Variants in AGBL1 observed in about 807,000 individuals in gnomAD.
The protein encoded by AGBL1 is cytosolic carboxypeptidase 4.
Under a neutral mutation model 118.9 loss-of-function variants are expected in AGBL1, and 130 were observed. That is an observed-to-expected ratio of 1.09 (90% CI 0.95 to 1.26). AGBL1 has a LOEUF of 1.26. Ranked by LOEUF, AGBL1 falls within the 50% of genes most tolerant of loss-of-function variation. AGBL1 has a pLI of 0.00. For synonymous variants in AGBL1, 555 were observed against 478.9 expected, an observed-to-expected ratio of 1.16 and a Z score of -2.08; for missense variants, 1,584 against 1,298.1, an observed-to-expected ratio of 1.22 and a Z score of -3.38.
intron 22 of AGBL1, among the ~76,000 whole-genome samples, chr15:86,677,515 A>T (rs1428770778): frequency 6.6e-6 from 1 of 152,100 alleles, no homozygotes; most frequent in African/African-American, 2.4e-5. Flanking sequence ...GTCTTTTGCA[A>T]AGTCACTTAA....
intron 19 of AGBL1, among the ~76,000 whole-genome samples, chr15:86,541,090 A>G (rs1162765921): frequency 6.6e-6 from 1 of 152,238 alleles, no homozygotes; most frequent in Non-Finnish European, 1.5e-5. Context: ...CACACTTTTC[A>G]TAAGAATGGT....
chr15:86,733,910 T>A (rs1233151951), intron 22 of AGBL1, among the ~76,000 whole-genome samples: 2 of 152,088 alleles, frequency 1.3e-5, no homozygotes, highest in East Asian at 3.9e-4. Flanking sequence ...ATACACTTAC[T>A]GCTGATGAGA....
At chr15:86,158,629 T>C (rs1333850006) in intron 4 of AGBL1, among the ~76,000 whole-genome samples, 1 of 152,190 alleles carries the variant, frequency 6.6e-6, no homozygotes, top group Non-Finnish European at 1.5e-5. Flanking sequence ...TTCAGATCTA[T>C]GAAAATGTTT....
chr15:86,749,995 G>C (rs938571128), intron 22 of AGBL1, among the ~76,000 whole-genome samples: 1 of 152,082 alleles, frequency 6.6e-6, no homozygotes, highest in Admixed American at 6.6e-5. Context: ...TCTCTGCCAG[G>C]CTTTGGTATC....
chr15:86,712,138 C>T (rs1243328761), intron 22 of AGBL1, among the ~76,000 whole-genome samples: 3 of 152,136 alleles, frequency 2.0e-5, no homozygotes, highest in Non-Finnish European at 4.4e-5. Flanking sequence ...GCTACTAATA[C>T]ATTTTAGTAT....
chr15:86,516,447 A>C (rs971681382), intron 18 of AGBL1, among the ~76,000 whole-genome samples: 21 of 152,196 alleles, frequency 1.4e-4, no homozygotes, highest in Non-Finnish European at 2.1e-4. Context: ...ACTGTTTCAC[A>C]GGGAGTAATA....
At chr15:86,693,342 CT>C (rs2086204097) in intron 22 of AGBL1, among the ~76,000 whole-genome samples, 1 of 152,068 alleles carries the variant, frequency 6.6e-6, no homozygotes. Flanking sequence ...TTGCATTTCC[CT>C]GATCATTAGT....
chr15:86,670,950 C>G (rs150887267), intron 21 of AGBL1, among the ~76,000 whole-genome samples: 4 of 152,122 alleles, frequency 2.6e-5, no homozygotes, highest in Non-Finnish European at 4.4e-5. Context: ...GCTTTGCTTA[C>G]TAATACTGTG....
At chr15:86,928,961 G>T (rs1182628098) in intron 23 of AGBL1, among the ~76,000 whole-genome samples, 1 of 151,946 alleles carries the variant, frequency 6.6e-6, no homozygotes, top group African/African-American at 2.4e-5. Context: ...CATACACATT[G>T]TTTTGCAACT....
At chr15:86,810,496 C>G (rs2078773202) in intron 22 of AGBL1, among the ~76,000 whole-genome samples, 1 of 151,966 alleles carries the variant, frequency 6.6e-6, no homozygotes, top group Non-Finnish European at 1.5e-5. Flanking sequence ...CTGAAAGGCC[C>G]CATTACTGAG....
intron 2 of AGBL1, among the ~76,000 whole-genome samples, chr15:86,142,398 T>G (rs1052330427): frequency 6.6e-6 from 1 of 152,162 alleles, no homozygotes; most frequent in Non-Finnish European, 1.5e-5. Context: ...TTTGGCTATT[T>G]GAAGTAGAGG....
intron 17 of AGBL1, among the ~76,000 whole-genome samples, chr15:86,307,028 A>G (rs1377778240): frequency 5.9e-5 from 9 of 152,010 alleles, no homozygotes; most frequent in Admixed American, 4.6e-4. Context: ...ATTTTTTCCT[A>G]TAGAGTTGTT....
rs528497537 is a variant in AGBL1 at position 86,116,290 on chromosome 15, A to G, written c.52-25714A>G. Among the ~76,000 whole-genome samples, 216 of 152,362 alleles carry G rather than the reference A, an allele frequency of 1.4e-3. 4 individuals carry two copies. In the South Asian group the frequency reaches 0.042, roughly 30 times the overall value. ...CTTAGGATTACACAGCCAGTAAAGTATTAGAGCTGGGTTTGAATCTTAGTT... is the reference window on the plus strand; with the variant it reads ...CTTAGGATTACACAGCCAGTAAAGTGTTAGAGCTGGGTTTGAATCTTAGTT... On this transcript the variant is annotated intron_variant, in intron 1 of 22. Transcript: ENST00000614907.
intron 1 of AGBL1, among the ~76,000 whole-genome samples, chr15:86,138,936 A>G (rs534331016): frequency 1.3e-5 from 2 of 152,282 alleles, no homozygotes; most frequent in East Asian, 1.9e-4. Context: ...GTCCATTTTC[A>G]AAGGGCTAGA....
chr15:86,785,012 G>C lies in AGBL1; in HGVS notation c.3158+110576G>C, dbSNP rs545570027. Among the ~76,000 whole-genome samples, 4 of 152,220 alleles carry C rather than the reference G, an allele frequency of 2.6e-5. No homozygotes were observed. The South Asian group carries it at 8.3e-4, about 32-fold the overall frequency. On this transcript the variant is annotated intron_variant, in intron 22 of 22. Coordinates refer to ENST00000614907, the MANE Select transcript of AGBL1 (RefSeq NM_001386094.1). ...TTACAAATAATAGTAATAATTATCAGTATAAATTAAGAGGAAGGCTGTACT... is the reference window on the plus strand; with the variant it reads ...TTACAAATAATAGTAATAATTATCACTATAAATTAAGAGGAAGGCTGTACT...
chr15:86,252,493 T>C (rs191898827), intron 7 of AGBL1, among the ~76,000 whole-genome samples: 3 of 152,310 alleles, frequency 2.0e-5, no homozygotes, highest in Admixed American at 1.3e-4. Flanking sequence ...GATAGAGGAC[T>C]CATCATCTTC....
chr15:86,437,002 G>GT (rs201016819), intron 18 of AGBL1, among the ~76,000 whole-genome samples: 8,144 of 139,796 alleles, frequency 0.058, 301 homozygotes, highest in East Asian at 0.16. Flanking sequence ...GCAGGACTTT[G>GT]TTTTTTTTTT....
chr15:86,687,455 C>A (rs1217105135), intron 22 of AGBL1, among the ~76,000 whole-genome samples: 1 of 152,118 alleles, frequency 6.6e-6, no homozygotes, highest in Admixed American at 6.6e-5. Flanking sequence ...GGCCTCTTCT[C>A]TTCTGCTTCC....
chr15:86,707,415 A>G (rs1027908300), intron 22 of AGBL1, among the ~76,000 whole-genome samples: 1 of 152,090 alleles, frequency 6.6e-6, no homozygotes, highest in Non-Finnish European at 1.5e-5. Flanking sequence ...TTTTCATGAA[A>G]CTGTGTAGCT....
Sources: allele counts gnomAD v4.1 joint callset (sites outside exome capture counted in the v4.1 genomes callset), GRCh38; gene constraint gnomAD v4.1.1; transcripts MANE v1.5; gene names NCBI Gene and HGNC (gene_info 2026-07-23, HGNC 2026-07-21).